Variants in NDST3 observed in about 807,000 individuals in gnomAD.
The protein encoded by NDST3 is bifunctional heparan sulfate N-deacetylase/N-sulfotransferase 3.
A neutral mutation model predicts 96.1 loss-of-function variants in NDST3; 58 were observed. The ratio of observed to expected loss-of-function variants is 0.60; its 90% CI spans 0.49 to 0.75. The LOEUF is 0.75. Among genes scored for constraint, NDST3 ranks in the 30% least tolerant of loss-of-function variants. The probability of loss-of-function intolerance (pLI) is 0.00; values close to 1 mark genes in which losing one functional copy is unlikely to be tolerated. For missense variants in NDST3, 788 were observed against 1,034.2 expected (o/e 0.76, Z 3.27); for synonymous variants, 333 against 359.7 (o/e 0.93, Z 0.84).
chr4:118,222,563 G>A (rs1739621481), intron 6 of NDST3, among the ~76,000 whole-genome samples: 1 of 151,968 alleles, frequency 6.6e-6, no homozygotes, highest in African/African-American at 2.4e-5. Flanking sequence ...TTTAGCTTAT[G>A]GTGCACCTTG....
At chr4:118,060,210 A>G (rs1725782784) in intron 2 of NDST3, among the ~76,000 whole-genome samples, 1 of 152,040 alleles carries the variant, frequency 6.6e-6, no homozygotes, top group Non-Finnish European at 1.5e-5. Flanking sequence ...GATTGTAAAT[A>G]TTTCCTTGTT....
At position 118,238,155 on chromosome 4, in the gene NDST3, AAAAGAAAGAAAGAAAGAAAGAAAGAAAG is replaced by A. The variant is rs552263074; in HGVS notation, c.2118+979_2118+1006del. Among the ~76,000 whole-genome samples, 263 of 91,282 alleles carry A rather than the reference AAAAGAAAGAAAGAAAGAAAGAAAGAAAG, an allele frequency of 2.9e-3. 1 individual carries two copies. The highest frequency in any genetic ancestry group is 7.4e-3 in the East Asian group (25 of 3,368). 59.9% of individuals were successfully genotyped at this position (91,282 alleles called of 152,430 possible). On this transcript the variant is annotated intron_variant, in intron 10 of 13. Transcript: ENST00000296499. ...AGAGAGAGAGAGAGAGAAAAGAAAG[AAAAGAAAGAAAGAAAGAAAGAAAGAAAG>A]AAAGAAAGAAAGAAAGAAAGAAAGA...
chr4:118,037,334 T>A (rs946850704), intron 1 of NDST3, among the ~76,000 whole-genome samples: 3 of 152,228 alleles, frequency 2.0e-5, no homozygotes, highest in African/African-American at 7.2e-5. Context: ...CTACTTTACA[T>A]ATTAATTTTT....
chr4:118,149,220 A>G (rs1734194719), intron 6 of NDST3, among the ~76,000 whole-genome samples: 1 of 152,102 alleles, frequency 6.6e-6, no homozygotes. Flanking sequence ...TTGGCTTAGG[A>G]TTGACTTGGC....
Position 118,054,100 on chromosome 4 carries a change from G to C in NDST3, c.190G>C (p.Glu64Gln). The C allele has an allele frequency of 6.2e-7, 1 of 1,612,948 alleles. No individual in the cohort carries two copies. The highest frequency in any genetic ancestry group is 8.5e-7 in the Non-Finnish European group (1 of 1,179,312). ...CCAACACCTACCATATCAACTAATGGAAGTGAAAGCAATGAAGCTTTTTGA... is the reference window on the plus strand; with the variant it reads ...CCAACACCTACCATATCAACTAATGCAAGTGAAAGCAATGAAGCTTTTTGA... Reference protein sequence around the residue: ...DLQHLPYQLMEVKAMKLFDAS... With the variant: ...DLQHLPYQLMQVKAMKLFDAS... The change falls in exon 2 of 14, where the codon GAA becomes CAA. Residue 64 changes from glutamate to glutamine, a missense_variant. By Grantham distance (29) the Glu-to-Gln change is conservative (BLOSUM62 2). This residue lies in a region of NDST3 where 234 missense variants were observed against 256.9 expected (regional missense o/e 0.91). Coordinates refer to ENST00000296499, the MANE Select transcript of NDST3 (RefSeq NM_004784.3).
At chr4:118,102,373 T>A (rs892776883) in intron 2 of NDST3, among the ~76,000 whole-genome samples, 2 of 152,042 alleles carry the variant, frequency 1.3e-5, no homozygotes, top group Admixed American at 6.6e-5. Flanking sequence ...ACCTCCTCCA[T>A]GACCACAGTA....
intron 6 of NDST3, among the ~76,000 whole-genome samples, chr4:118,198,268 A>G (rs1386366217): frequency 6.6e-6 from 1 of 152,026 alleles, no homozygotes; most frequent in East Asian, 1.9e-4. Context: ...TCTTTTTGCG[A>G]AGGTAATTTT....
intron 6 of NDST3, among the ~76,000 whole-genome samples, chr4:118,157,261 T>C (rs1451778724): frequency 6.6e-6 from 1 of 151,884 alleles, no homozygotes; most frequent in East Asian, 1.9e-4. Context: ...ACACCAAAAA[T>C]AATAAAAGTG....
At chr4:118,250,774 G>C (rs1741650062) in intron 12 of NDST3, among the ~76,000 whole-genome samples, 1 of 152,094 alleles carries the variant, frequency 6.6e-6, no homozygotes, top group Non-Finnish European at 1.5e-5. Flanking sequence ...GTCAGCCATT[G>C]CACCCAGCCT....
chr4:118,130,144 A>G (rs192888308), intron 4 of NDST3, among the ~76,000 whole-genome samples: 2 of 151,686 alleles, frequency 1.3e-5, no homozygotes, highest in Admixed American at 6.6e-5. Flanking sequence ...CCATTTGGCC[A>G]CTCTGTGTCT....
At chr4:118,186,499 G>A (rs1589718) in intron 6 of NDST3, among the ~76,000 whole-genome samples, 44,906 of 151,880 alleles carry the variant, frequency 0.3, 7,066 homozygotes, top group African/African-American at 0.36. Context: ...GACAGGAGGC[G>A]TCCAGCACAG....
chr4:118,237,982 A>G (rs1740750066), intron 10 of NDST3, among the ~76,000 whole-genome samples: 1 of 151,836 alleles, frequency 6.6e-6, no homozygotes, highest in Non-Finnish European at 1.5e-5. Flanking sequence ...AAAGAAAATT[A>G]GCCAGGCATG....
intron 6 of NDST3, among the ~76,000 whole-genome samples, chr4:118,163,782 G>C (rs1735362851): frequency 6.6e-6 from 1 of 151,796 alleles, no homozygotes; most frequent in Non-Finnish European, 1.5e-5. Context: ...TAAGAAAAAT[G>C]TAAATCAAAA....
At chr4:118,111,456 A>G (rs1484325881) in intron 3 of NDST3, among the ~76,000 whole-genome samples, 1 of 152,148 alleles carries the variant, frequency 6.6e-6, no homozygotes, top group Non-Finnish European at 1.5e-5. Flanking sequence ...GGAAGCAAAG[A>G]GTGGGCAAGA....
At chr4:118,035,310 G>A (rs1187962476) in intron 1 of NDST3, among the ~76,000 whole-genome samples, 1 of 151,922 alleles carries the variant, frequency 6.6e-6, no homozygotes, top group Admixed American at 6.6e-5. Flanking sequence ...CATGTAATCT[G>A]GAAGAGTTTA....
chr4:118,136,142 T>C (rs916242077), intron 4 of NDST3, among the ~76,000 whole-genome samples: 1 of 152,184 alleles, frequency 6.6e-6, no homozygotes, highest in Non-Finnish European at 1.5e-5. Flanking sequence ...AACATAGCTC[T>C]TGTCATTGTG....
At chr4:118,121,209 G>A (rs967420045) in intron 4 of NDST3, among the ~76,000 whole-genome samples, 3 of 152,088 alleles carry the variant, frequency 2.0e-5, no homozygotes, top group African/African-American at 7.2e-5. Flanking sequence ...GCATCTTCAA[G>A]TTATTAGTAT....
chr4:118,236,876 TTATTAGTGTTCTAGA>T (rs1264008451), intron 9 of NDST3, among the ~76,000 whole-genome samples, 155 bp from the exon 10 acceptor site: 4 of 152,276 alleles, frequency 2.6e-5, no homozygotes, highest in African/African-American at 9.6e-5. Context: ...TCCAAACACA[TTATTAGTGTTCTAGA>T]TATTTTTCTC....
intron 7 of NDST3, 66 bp from the exon 8 acceptor site, chr4:118,226,819 GA>G (rs1320760871): frequency 2.3e-5 from 25 of 1,099,106 alleles, no homozygotes; most frequent in Non-Finnish European, 2.8e-5. Flanking sequence ...ACACAAGTTG[GA>G]AAAGCTGGCA....
Sources: gnomAD v4.1 joint callset for allele counts (sites outside exome capture counted in the v4.1 genomes callset) on GRCh38, gnomAD v4.1.1 for gene constraint, gnomAD v4.1.1 regional missense constraint, MANE v1.5 for transcripts, NCBI Gene and HGNC (gene_info 2026-07-23, HGNC 2026-07-21) for gene names.